The following ERC1 variants were observed in gnomAD, a reference collection of about 807,000 sequenced individuals.
ERC1 encodes ELKS/RAB6-interacting/CAST family member 1.
Under a neutral mutation model 132.0 loss-of-function variants are expected in ERC1, and 56 were observed. The ratio of observed to expected loss-of-function variants is 0.42; its 90% CI spans 0.34 to 0.53. The LOEUF is 0.53. ERC1 is among the 20% of genes least tolerant of loss of function. The pLI is 0.03. For synonymous variants in ERC1, 478 were observed against 476.1 expected, an observed-to-expected ratio of 1.00 and a Z score of -0.05; for missense variants, 1,202 against 1,349.9, an observed-to-expected ratio of 0.89 and a Z score of 1.72.
chr12:1,050,254 A>G (rs1414835768), intron 2 of ERC1, among the ~76,000 whole-genome samples: 1 of 152,168 alleles, frequency 6.6e-6, no homozygotes, highest in Non-Finnish European at 1.5e-5. Context: ...TCAGGATAAG[A>G]TCTAAGACTT....
chr12:1,240,349 A>C (rs1184203739), intron 13 of ERC1, among the ~76,000 whole-genome samples: 1 of 152,182 alleles, frequency 6.6e-6, no homozygotes, highest in Non-Finnish European at 1.5e-5. Context: ...TATCTTTCCT[A>C]TACTTTTGCA....
chr12:1,267,979 A>G (rs569344722), intron 14 of ERC1, among the ~76,000 whole-genome samples: 1 of 152,298 alleles, frequency 6.6e-6, no homozygotes, highest in African/African-American at 2.4e-5. Flanking sequence ...AGCATTTTTA[A>G]GGATTACATA....
chr12:1,321,342 G>GTGTATA (rs112838015), intron 15 of ERC1, among the ~76,000 whole-genome samples: 1 of 152,014 alleles, frequency 6.6e-6, no homozygotes, highest in Non-Finnish European at 1.5e-5. Flanking sequence ...GTGTGTGTGT[G>GTGTATA]TATATTTTGC....
chr12:1,258,383 T>G (rs1566408371), intron 13 of ERC1, among the ~76,000 whole-genome samples: 1 of 152,218 alleles, frequency 6.6e-6, no homozygotes, highest in African/African-American at 2.4e-5. Context: ...CTTTAGCATG[T>G]AAAGCATGTA....
chr12:1,304,940 C>T, intron 15 of ERC1, among the ~76,000 whole-genome samples: 1 of 151,298 alleles, frequency 6.6e-6, no homozygotes, highest in Non-Finnish European at 1.5e-5. Context: ...CAGGCGCCCG[C>T]CCCCACGCCC....
chr12:1,176,470 A>G lies in ERC1; in HGVS notation c.1738-4070A>G, dbSNP rs139000668. On this transcript the variant is annotated intron_variant, in intron 8 of 18. Coordinates refer to ENST00000360905, the MANE Select transcript of ERC1 (RefSeq NM_178040.4). ...TAATTCCACAGGCCCTAGGATTTTC[A>G]GAATGATAAATGAACACTGGCCTCA... Among the ~76,000 whole-genome samples, 365 of 152,360 alleles carry G rather than the reference A, an allele frequency of 2.4e-3. 1 individual carries two copies. The highest frequency in any genetic ancestry group is 7.6e-3 in the African/African-American group (318 of 41,600).
intron 17 of ERC1, among the ~76,000 whole-genome samples, chr12:1,422,132 G>A (rs139535435): frequency 7.2e-4 from 109 of 152,262 alleles, no homozygotes; most frequent in East Asian, 5.0e-3. Flanking sequence ...TCAGTCCCCC[G>A]TGGGGGTCAG....
At chr12:1,436,537 T>G (rs924431507) in intron 17 of ERC1, among the ~76,000 whole-genome samples, 1 of 152,088 alleles carries the variant, frequency 6.6e-6, no homozygotes, top group East Asian at 1.9e-4. Flanking sequence ...AGATAAAATG[T>G]GATTATGAGG....
At chr12:1,375,824 AC>A (rs2087837988) in intron 16 of ERC1, among the ~76,000 whole-genome samples, 1 of 135,656 alleles carries the variant, frequency 7.4e-6, no homozygotes, top group African/African-American at 2.9e-5. Context: ...TGCAACCTCC[AC>A]CTCCTAGGTT....
chr12:1,410,741 C>T (rs2091797214), intron 17 of ERC1, among the ~76,000 whole-genome samples: 1 of 150,078 alleles, frequency 6.7e-6, no homozygotes, highest in African/African-American at 2.5e-5. Context: ...CTAAATTTCT[C>T]CAGTTGTGAT....
intron 17 of ERC1, among the ~76,000 whole-genome samples, chr12:1,408,664 T>C (rs2091659614): frequency 6.6e-6 from 1 of 152,372 alleles, no homozygotes; most frequent in South Asian, 2.1e-4. Flanking sequence ...TTCTGTTTAG[T>C]TGCAAATTAT....
At chr12:1,024,260 A>G (rs752524550) in intron 1 of ERC1, among the ~76,000 whole-genome samples, 7 of 152,142 alleles carry the variant, frequency 4.6e-5, no homozygotes, top group Non-Finnish European at 1.0e-4. Flanking sequence ...GCTCGCCTGT[A>G]GTCTCAGCTA....
At chr12:1,144,240 CTT>C (rs532893860) in intron 8 of ERC1, among the ~76,000 whole-genome samples, 2 of 152,240 alleles carry the variant, frequency 1.3e-5, no homozygotes, top group African/African-American at 4.8e-5. Flanking sequence ...TGAATTAAAA[CTT>C]AAACTTTTTT....
chr12:1,034,568 A>G (rs896288502), intron 2 of ERC1, among the ~76,000 whole-genome samples: 22 of 152,164 alleles, frequency 1.4e-4, no homozygotes, highest in Admixed American at 1.1e-3. Context: ...TGTGTATCAA[A>G]TTTAGAGTAG....
chr12:1,398,930 CTTTTTTTTTT>C lies in ERC1; in HGVS notation c.2926-9198_2926-9189del, dbSNP rs1162145460. ...AATGAGTTTATTTTCTTTTCTCCTA[CTTTTTTTTTT>C]TTTTTTTTTTTTTTTTTTTTGTTGA... On this transcript the variant is annotated intron_variant, in intron 16 of 18. Coordinates refer to ENST00000360905, the MANE Select transcript of ERC1 (RefSeq NM_178040.4). 6.4e-5 allele frequency among the ~76,000 whole-genome samples: 6 copies of C among 93,892 alleles called. No homozygotes were observed. The East Asian group carries it at 1.5e-3, about 23-fold the overall frequency. The allele number at this position is 93,892 out of a possible 152,430, so 61.6% of individuals were successfully genotyped here.
chr12:1,431,567 A>G (rs1465994551), intron 17 of ERC1, among the ~76,000 whole-genome samples: 1 of 152,194 alleles, frequency 6.6e-6, no homozygotes, highest in Non-Finnish European at 1.5e-5. Context: ...TAAATTGCAT[A>G]ACGATTTTAT....
chr12:1,213,922 T>A (rs1339947728), intron 12 of ERC1, among the ~76,000 whole-genome samples: 3 of 150,650 alleles, frequency 2.0e-5, no homozygotes, highest in African/African-American at 7.3e-5. Flanking sequence ...AGAAAAAAAA[T>A]AAGGAAAAGT....
At chr12:1,171,356 CTT>C (rs57007848) in intron 8 of ERC1, among the ~76,000 whole-genome samples, 6,540 of 87,324 alleles carry the variant, frequency 0.075, 368 homozygotes, top group African/African-American at 0.25. Flanking sequence ...GCAAAACATT[CTT>C]TTTTTTTTTT....
chr12:1,483,075 TC>T (rs112613301), intron 18 of ERC1, among the ~76,000 whole-genome samples: 2 of 152,136 alleles, frequency 1.3e-5, no homozygotes, highest in African/African-American at 4.8e-5. Context: ...GGTGGGCAGA[TC>T]GCTTGAGCCC....
Sources: gnomAD v4.1 joint callset for allele counts (sites outside exome capture counted in the v4.1 genomes callset) on GRCh38, gnomAD v4.1.1 for gene constraint, MANE v1.5 for transcripts, NCBI Gene and HGNC (gene_info 2026-07-23, HGNC 2026-07-21) for gene names.